BAHCC1: variants seen among roughly 807,000 people sequenced by gnomAD.
BAHCC1 encodes the protein BAH and coiled-coil domain-containing protein 1.
A neutral mutation model predicts 88.2 loss-of-function variants in BAHCC1; 43 were observed. The observed-to-expected ratio is 0.49, with a 90% CI of 0.38 to 0.63. The LOEUF (loss-of-function observed/expected upper bound fraction) is 0.63. Among genes scored for constraint, BAHCC1 ranks in the 20% least tolerant of loss-of-function variants. The pLI is 0.00. For missense variants in BAHCC1, 3,023 were observed against 1,654.8 expected (o/e 1.83, Z -14.34); for synonymous variants, 1,510 against 745.5 (o/e 2.03, Z -16.71).
rs2064309814 is a variant in BAHCC1 at position 81,434,511 on chromosome 17, A to T, written c.359-3859A>T. ...CGAGGTGTGCTTCAGCACCCCCAGAAGTTTGCTGAGCCTGCAGCATCCTGG... is the reference window on the plus strand; with the variant it reads ...CGAGGTGTGCTTCAGCACCCCCAGATGTTTGCTGAGCCTGCAGCATCCTGG... On this transcript the variant is annotated intron_variant, in intron 3 of 27. Transcript: ENST00000675386. This position sits in a 1 kb window ranked among gnomAD's most constrained non-coding sequence, Gnocchi z 4.9. 6.6e-6 allele frequency among the ~76,000 whole-genome samples: 1 copy of T among 152,070 alleles called. No individual in the cohort carries two copies. The highest frequency in any genetic ancestry group is 1.5e-5 in the Non-Finnish European group (1 of 67,998).
At position 81,411,294 on chromosome 17, in the gene BAHCC1, G is replaced by T. The variant is rs1209215869; in HGVS notation, c.178+11377G>T. On this transcript the variant is annotated intron_variant, in intron 2 of 27. Transcript: ENST00000675386. This position sits in a 1 kb window ranked among gnomAD's most constrained non-coding sequence, Gnocchi z 6.2. ...AGCTCCCAAACCCTGACCCCAGACA[G>T]GCAGCAGGAGCTGGACGTGCCGTCA... is the stretch of plus-strand genomic sequence containing the variant. Among the ~76,000 whole-genome samples, 1 of 152,008 alleles carries T rather than the reference G, an allele frequency of 6.6e-6. No homozygotes were observed. Among genetic ancestry groups the T allele is most frequent in the East Asian group, 1.9e-4 (1 of 5,152 alleles).
chr17:81,463,616 G>A lies in BAHCC1; in HGVS notation c.7626G>A (p.Ala2542=), dbSNP rs782197722. The A allele has an allele frequency of 1.9e-5, 15 of 779,442 alleles. No homozygotes were observed. Among genetic ancestry groups the A allele is most frequent in the African/African-American group, 3.4e-5 (2 of 59,156 alleles). The allele number at this position is 779,442 out of a possible 1,614,324, so 48.3% of individuals were successfully genotyped here. The part of the protein sequence containing the change: ...LGKRQCDGKN[A]LYQSCHEDEN... ...CCCGCGCGCCTTGCCCCCAGAATGC[G>A]CTGTACCAGTCCTGCCACGAGGATG... The change falls in exon 28 of 28, where the codon GCG becomes GCA. Residue 2542 remains alanine, a synonymous_variant. Transcript: ENST00000675386.
intron 2 of BAHCC1, among the ~76,000 whole-genome samples, chr17:81,425,838 T>A (rs2064185265): frequency 1.7e-5 from 2 of 118,414 alleles, no homozygotes; most frequent in Non-Finnish European, 3.5e-5. Flanking sequence ...GGTTGGTGAT[T>A]TGGTGATGAT....
In BAHCC1 at chr17:81,461,532, G is replaced by A. The variant is rs1555659380; in HGVS notation, c.6869G>A (p.Ser2290Asn). ...FPLPYDSDCH[S>N]SFSDEDEDGP... ...CTGCCCTACGACAGCGACTGCCACAGCTCCTTCTCGGACGAGGACGAGGAC... is the reference window on the plus strand; with the variant it reads ...CTGCCCTACGACAGCGACTGCCACAACTCCTTCTCGGACGAGGACGAGGAC... The change falls in exon 26 of 28, where the codon AGC (serine) becomes AAC (asparagine). Residue 2290 changes from serine (S) to asparagine (N), a missense_variant. Ser to Asn is a conservative substitution (Grantham distance 46, BLOSUM62 1). Coordinates refer to ENST00000675386, the MANE Select transcript of BAHCC1 (RefSeq NM_001377448.1). 2.7e-6 allele frequency: 2 copies of A among 735,206 alleles called. No individual in the cohort carries two copies. Among genetic ancestry groups the A allele is most frequent in the Non-Finnish European group, 5.1e-6 (2 of 395,060 alleles). 45.5% of individuals were successfully genotyped at this position (735,206 alleles called of 1,614,324 possible).
intron 2 of BAHCC1, chr17:81,407,352 C>G (rs202044771): frequency 1.9e-6 from 1 of 520,068 alleles, no homozygotes; most frequent in Non-Finnish European, 3.8e-6. Flanking sequence ...AAGAAACCAG[C>G]CTGCTGGCGT....
Position 81,442,890 on chromosome 17 carries a change from G to A in BAHCC1, c.1541G>A (p.Gly514Glu), listed in dbSNP as rs1555653052. ...ARPGHQDPLG[G>E]KAPQACCTLD... ...CCTGGTCACCAGGACCCGCTGGGCG[G>A]GAAGGCCCCCCAGGCCTGCTGCACT... Residue 514 changes from glycine (G) to glutamate (E), a missense_variant, in exon 5 of 28, where the codon GGG becomes GAG. By Grantham distance (98) the Gly-to-Glu change is moderately conservative. Transcript: ENST00000675386. The A allele has an allele frequency of 1.3e-6, 1 of 779,228 alleles. No individual in the cohort carries two copies. Among genetic ancestry groups the A allele is most frequent in the African/African-American group, 1.7e-5 (1 of 59,158 alleles). 48.3% of individuals were successfully genotyped at this position (779,228 alleles called of 1,614,324 possible). A position where few individuals can be genotyped will look rare whatever the true frequency, so the allele number is the denominator to read the frequency against.
intron 11 of BAHCC1, among the ~76,000 whole-genome samples, chr17:81,450,742 A>G (rs1355198153): frequency 6.6e-6 from 1 of 152,170 alleles, no homozygotes; most frequent in Non-Finnish European, 1.5e-5. Context: ...GACTGCATCC[A>G]GAAACCCCTG....
intron 11 of BAHCC1, among the ~76,000 whole-genome samples, chr17:81,450,371 C>T (rs1196056317): frequency 3.9e-5 from 6 of 152,138 alleles, no homozygotes; most frequent in African/African-American, 1.4e-4. Flanking sequence ...CCAACCTGGG[C>T]CCGACCCTGC....
intron 11 of BAHCC1, among the ~76,000 whole-genome samples, chr17:81,449,116 A>G (rs1846798854): frequency 6.6e-6 from 1 of 151,976 alleles, no homozygotes. Flanking sequence ...CTGCATGAAT[A>G]CTCATGTGTA....
Position 81,461,549 on chromosome 17 carries a change from G to A in BAHCC1, c.6886G>A (p.Asp2296Asn), listed in dbSNP as rs1169000375. 1.4e-6 allele frequency: 1 copy of A among 726,178 alleles called. No individual in the cohort carries two copies. The highest frequency in any genetic ancestry group is 2.6e-6 in the Non-Finnish European group (1 of 390,120). 45.0% of individuals were successfully genotyped at this position (726,178 alleles called of 1,614,324 possible). The change falls in exon 26 of 28, where the codon GAC (aspartate) becomes AAC (asparagine). Residue 2296 changes from aspartate to asparagine, a missense_variant. Coordinates refer to ENST00000675386, the MANE Select transcript of BAHCC1 (RefSeq NM_001377448.1). ...CTGCCACAGCTCCTTCTCGGACGAG[G>A]ACGAGGACGGGCCGGGGCTGGCGGC... ...SDCHSSFSDEDEDGPGLAAGV... is the reference protein window; with the variant it reads ...SDCHSSFSDENEDGPGLAAGV...
chr17:81,452,172 C>T, intron 13 of BAHCC1, 65 bp downstream of exon 13: 1 of 551,448 alleles, frequency 1.8e-6, no homozygotes, highest in Non-Finnish European at 3.2e-6. Context: ...GAGGCGCCCA[C>T]AGTGCTGGGG....
intron 22 of BAHCC1, 76 bp downstream of exon 22, chr17:81,459,404 G>T (rs2030045903): frequency 1.3e-6 from 1 of 757,164 alleles, no homozygotes; most frequent in South Asian, 1.4e-5. Context: ...CTTGGCCTGG[G>T]CCGCAGCCAC....
rs115423593 is a variant in BAHCC1 at position 81,416,317 on chromosome 17, C to T, written c.179-10483C>T. On this transcript the variant is annotated intron_variant, in intron 2 of 27. Transcript: ENST00000675386. ...GTGTGTCCATGAGGGTGGGTGTATG[C>T]GTGTGTGTCCATGAGGATGGGTGTG... Among the ~76,000 whole-genome samples, 553 of 112,022 alleles carry T rather than the reference C, an allele frequency of 4.9e-3. 6 individuals are homozygous for T. Among genetic ancestry groups the T allele is most frequent in the African/African-American group, 0.019 (527 of 27,600 alleles). The allele number at this position is 112,022 out of a possible 152,430, so 73.5% of individuals were successfully genotyped here.
intron 3 of BAHCC1, among the ~76,000 whole-genome samples, chr17:81,436,431 C>G (rs1285569526): frequency 1.3e-5 from 2 of 152,232 alleles, no homozygotes; most frequent in Non-Finnish European, 1.5e-5. Context: ...ACCGGGGCTC[C>G]GTGCCTGGGA....
intron 2 of BAHCC1, among the ~76,000 whole-genome samples, chr17:81,414,749 C>T (rs1274019089): frequency 1.3e-5 from 2 of 152,228 alleles, no homozygotes; most frequent in East Asian, 1.9e-4. Context: ...GTCACAGCCT[C>T]ACCACGTGTC....
Position 81,445,656 on chromosome 17 carries a change from G to T in BAHCC1, c.3138G>T (p.Thr1046=), listed in dbSNP as rs192791545. The T allele has an allele frequency of 1.4e-6, 1 of 732,278 alleles. No homozygotes were observed. Among genetic ancestry groups the T allele is most frequent in the Admixed American group, 1.9e-5 (1 of 52,062 alleles). The allele number at this position is 732,278 out of a possible 1,614,324, so 45.4% of individuals were successfully genotyped here. The change falls in exon 10 of 28, where the codon ACG becomes ACT. Residue 1046 remains threonine (T), a synonymous_variant. Transcript: ENST00000675386. ...EEKNGEGQQS[T]ADIITSEPDL... ...AGAATGGGGAGGGTCAGCAGTCCAC[G>T]GCCGACATCATCACATCCGAACCAG...
rs1371581985 is a variant in BAHCC1, at chr17:81,465,582, C to G, written c.*1765C>G. 3 of 152,398 alleles carry G rather than the reference C, an allele frequency of 2.0e-5. No homozygotes were observed. The highest frequency in any genetic ancestry group is 4.8e-5 in the African/African-American group (2 of 41,470). The allele number at this position is 152,398 out of a possible 1,614,324, so 9.4% of individuals were successfully genotyped here. A position where few individuals can be genotyped will look rare whatever the true frequency, so the allele number is the denominator to read the frequency against. Reference sequence around the variant, plus strand: ...AAAGCCCCCCAAGTTAGCCACTGCTCTAGGACGAGCTCTGTGTCCCCCACA... The same window carrying G: ...AAAGCCCCCCAAGTTAGCCACTGCTGTAGGACGAGCTCTGTGTCCCCCACA... On this transcript the variant is annotated 3_prime_UTR_variant, in exon 28 of 28. Transcript: ENST00000675386.
intron 2 of BAHCC1, among the ~76,000 whole-genome samples, chr17:81,416,248 G>A (rs1458287299): frequency 1.8e-4 from 27 of 149,696 alleles, no homozygotes; most frequent in African/African-American, 6.4e-4. Flanking sequence ...GTATGCGTGT[G>A]TGTACGTGTG....
At position 81,463,914 on chromosome 17, in the gene BAHCC1, C is replaced by T. The variant is rs1329645591; in HGVS notation, c.*97C>T. 2 of 675,414 alleles carry T rather than the reference C, an allele frequency of 3.0e-6. No individual in the cohort carries two copies. Among genetic ancestry groups the T allele is most frequent in the East Asian group, 2.7e-5 (1 of 36,868 alleles). The allele number at this position is 675,414 out of a possible 1,614,324, so 41.8% of individuals were successfully genotyped here. A position where few individuals can be genotyped will look rare whatever the true frequency, so the allele number is the denominator to read the frequency against. The stretch of plus-strand genomic sequence containing the variant: ...CGGGCAGGAGGCAGCCCCGGCCTCC[C>T]AAGGGCGCATCTGAGCAAATATGCA... On this transcript the variant is annotated 3_prime_UTR_variant, in exon 28 of 28. Coordinates refer to ENST00000675386, the MANE Select transcript of BAHCC1 (RefSeq NM_001377448.1).
Sources: gnomAD v4.1 joint callset for allele counts (sites outside exome capture counted in the v4.1 genomes callset) on GRCh38, gnomAD v4.1.1 for gene constraint, Gnocchi (gnomAD v3.1) non-coding constraint, MANE v1.5 for transcripts, NCBI Gene and HGNC (gene_info 2026-07-23, HGNC 2026-07-21) for gene names.